The following NFILZ variants were observed in gnomAD, a reference collection of about 807,000 sequenced individuals.
NFILZ encodes NFIL3 like basic leucine zipper.
At chr19:8,670,027 G>A (rs782718656) in intron 3 of NFILZ, among the ~76,000 whole-genome samples, 5 of 152,138 alleles carry the variant, frequency 3.3e-5, no homozygotes, top group Non-Finnish European at 7.3e-5. Context: ...AGCAGGGATG[G>A]GTCCAGCAAA....
rs376127079 is a variant in NFILZ at position 8,634,220 on chromosome 19, A to C, written c.-260-1430A>C. 1.9e-4 allele frequency among the ~76,000 whole-genome samples: 28 copies of C among 149,194 alleles called. 1 individual carries two copies. The South Asian group carries it at 5.3e-3, about 28-fold the overall frequency. ...ACCATGTTGGCCAGGCTGGTCTTGA[A>C]CCCCTGGCTTCAAGTGATCCACCCC... On this transcript the variant is annotated intron_variant, in intron 2 of 5. Coordinates refer to ENST00000691075, the MANE Select transcript of NFILZ (RefSeq NM_001378600.1).
Position 8,679,593 on chromosome 19 carries a change from G to A in NFILZ, c.*1958G>A, listed in dbSNP as rs2043136085. Among the ~76,000 whole-genome samples the A allele has an allele frequency of 6.6e-6, 1 of 152,048 alleles. No homozygotes were observed. The highest frequency in any genetic ancestry group is 2.4e-5 in the African/African-American group (1 of 41,394). On this transcript the variant is annotated 3_prime_UTR_variant, in exon 6 of 6. Coordinates refer to ENST00000691075, the MANE Select transcript of NFILZ (RefSeq NM_001378600.1). ...ACAGGTGGGCAGTATCACCAAACAG[G>A]CCAAGAGCTCCCCTGTGACTGGGCA...
intron 1 of NFILZ, among the ~76,000 whole-genome samples, chr19:8,631,418 A>G (rs1239257994): frequency 6.6e-6 from 1 of 151,910 alleles, no homozygotes; most frequent in East Asian, 1.9e-4. Flanking sequence ...GAACAGGGGG[A>G]CTGAACAGAG....
intron 3 of NFILZ, among the ~76,000 whole-genome samples, chr19:8,640,286 A>G (rs1475972551): frequency 6.7e-6 from 1 of 149,328 alleles, no homozygotes; most frequent in African/African-American, 2.5e-5. Flanking sequence ...AGTCTGGCCA[A>G]TGTAGCAAGA....
intron 3 of NFILZ, among the ~76,000 whole-genome samples, chr19:8,641,161 C>T (rs890882261): frequency 8.5e-5 from 13 of 152,148 alleles, no homozygotes; most frequent in African/African-American, 2.9e-4. Flanking sequence ...GTGATCCTCA[C>T]ACCTCAGCCT....
At chr19:8,664,672 C>A (rs916559361) in intron 3 of NFILZ, among the ~76,000 whole-genome samples, 18 of 152,082 alleles carry the variant, frequency 1.2e-4, no homozygotes, top group Non-Finnish European at 2.9e-5. Context: ...GGAAATGTGG[C>A]CCTTCCGAGA....
intron 3 of NFILZ, among the ~76,000 whole-genome samples, chr19:8,670,840 C>G (rs141046321): frequency 0.013 from 1,956 of 152,114 alleles, 46 homozygotes; most frequent in African/African-American, 0.045. Flanking sequence ...ACTAAAAATA[C>G]AAAAATTAGT....
intron 3 of NFILZ, among the ~76,000 whole-genome samples, chr19:8,646,558 G>C (rs187922365): frequency 5.3e-5 from 8 of 152,222 alleles, no homozygotes; most frequent in African/African-American, 1.9e-4. Context: ...GAGAGAGGAA[G>C]TAAGAGCCAC....
intron 3 of NFILZ, among the ~76,000 whole-genome samples, chr19:8,638,844 G>GTT (rs541846743): frequency 1.9e-4 from 26 of 135,586 alleles, no homozygotes; most frequent in African/African-American, 3.8e-4. Flanking sequence ...TTACTTTGCT[G>GTT]TTTTTTTTTT....
intron 3 of NFILZ, among the ~76,000 whole-genome samples, chr19:8,663,402 G>A (rs1260390211): frequency 6.7e-6 from 1 of 149,208 alleles, no homozygotes; most frequent in African/African-American, 2.5e-5. Flanking sequence ...GGATGGAACT[G>A]CCATGAACTG....
intron 3 of NFILZ, among the ~76,000 whole-genome samples, chr19:8,655,206 A>G (rs2042986775): frequency 6.6e-6 from 1 of 152,188 alleles, no homozygotes; most frequent in Admixed American, 6.5e-5. Context: ...GGGGAGCCAT[A>G]GAGGGTGTTT....
chr19:8,669,253 A>G (rs2043076361), intron 3 of NFILZ, among the ~76,000 whole-genome samples: 1 of 152,112 alleles, frequency 6.6e-6, no homozygotes. Flanking sequence ...CCAAGAGAGG[A>G]TTCTAACAAC....
chr19:8,639,091 G>A (rs779111917), intron 3 of NFILZ, among the ~76,000 whole-genome samples: 5 of 152,044 alleles, frequency 3.3e-5, no homozygotes, highest in African/African-American at 1.2e-4. Context: ...TGATCTGCCC[G>A]ACTCGGCCTC....
chr19:8,633,926 CCTTCCTTCCTT>C (rs2042882839), intron 2 of NFILZ, among the ~76,000 whole-genome samples: 4 of 144,350 alleles, frequency 2.8e-5, no homozygotes, highest in Admixed American at 7.1e-5. Context: ...TTCCTTCCTT[CCTTCCTTCCTT>C]CCTTCCTTCC....
At chr19:8,667,366 C>T (rs1424475080) in intron 3 of NFILZ, among the ~76,000 whole-genome samples, 4 of 152,082 alleles carry the variant, frequency 2.6e-5, no homozygotes, top group Non-Finnish European at 5.9e-5. Flanking sequence ...CTCAGTTTTT[C>T]CTTCTACGAG....
intron 3 of NFILZ, among the ~76,000 whole-genome samples, chr19:8,657,009 T>C (rs549073490): frequency 6.6e-6 from 1 of 151,408 alleles, no homozygotes; most frequent in African/African-American, 2.4e-5. Context: ...GGGGATCCAG[T>C]TGTTGTAAGG....
At position 8,679,918 on chromosome 19, in the gene NFILZ, G is replaced by A. The variant is rs369462598; in HGVS notation, c.*2283G>A. Reference sequence around the variant, plus strand: ...TCATAAATAATGTGAATCCTGGAGGGCAAGGTGGCTCATGCCTGTAATCCT... The same window carrying A: ...TCATAAATAATGTGAATCCTGGAGGACAAGGTGGCTCATGCCTGTAATCCT... On this transcript the variant is annotated 3_prime_UTR_variant, in exon 6 of 6. Transcript: ENST00000691075. Among the ~76,000 whole-genome samples, 1 of 152,152 alleles carries A rather than the reference G, an allele frequency of 6.6e-6. No homozygotes were observed. Among genetic ancestry groups the A allele is most frequent in the African/African-American group, 2.4e-5 (1 of 41,444 alleles).
At chr19:8,672,590 A>ATGAG (rs1555750382) in intron 3 of NFILZ, among the ~76,000 whole-genome samples, 6 of 151,342 alleles carry the variant, frequency 4.0e-5, no homozygotes, top group Non-Finnish European at 8.8e-5. Context: ...TCATGCATTT[A>ATGAG]TTAATTCAAA....
In NFILZ at chr19:8,679,151, C is replaced by A. The variant is rs938184203; in HGVS notation, c.*1516C>A. On this transcript the variant is annotated 3_prime_UTR_variant, in exon 6 of 6. Coordinates refer to ENST00000691075, the MANE Select transcript of NFILZ (RefSeq NM_001378600.1). ...CTGGCTGCCCCCTGCCCCTGAGAAC[C>A]AGGTATACACCCACCCAGGTGGAAG... Among the ~76,000 whole-genome samples the A allele has an allele frequency of 3.4e-5, 5 of 145,134 alleles. No individual in the cohort carries two copies. The highest frequency in any genetic ancestry group is 6.0e-5 in the Non-Finnish European group (4 of 66,148).
Sources: gnomAD v4.1 joint callset for allele counts (sites outside exome capture counted in the v4.1 genomes callset) on GRCh38, gnomAD v4.1.1 for gene constraint, MANE v1.5 for transcripts, NCBI Gene and HGNC (gene_info 2026-07-23, HGNC 2026-07-21) for gene names.